SIRT5: variants seen among roughly 807,000 people sequenced by gnomAD.
SIRT5 encodes NAD-dependent protein deacylase sirtuin-5, mitochondrial.
In SIRT5, 26 loss-of-function variants were observed where a neutral mutation model predicts 40.0. The observed-to-expected ratio is 0.65, with a 90% confidence interval of 0.48 to 0.90. The LOEUF (loss-of-function observed/expected upper bound fraction) is 0.90, where lower values mean the gene tolerates loss of function less well. Among genes scored for constraint, SIRT5 ranks in the 40% least tolerant of loss-of-function variants. SIRT5 has a pLI of 0.00. For missense variants in SIRT5, 401 were observed against 402.4 expected, an observed-to-expected ratio of 1.00 and a Z score of 0.03; for synonymous variants, 146 against 149.1, an observed-to-expected ratio of 0.98 and a Z score of 0.15.
intron 7 of SIRT5, among the ~76,000 whole-genome samples, chr6:13,598,512 A>G (rs1274511636): frequency 6.6e-6 from 1 of 152,182 alleles, no homozygotes; most frequent in Non-Finnish European, 1.5e-5. Context: ...CAGCACATCA[A>G]GTACATACAG....
intron 2 of SIRT5, among the ~76,000 whole-genome samples, chr6:13,581,711 TCTGATAGGC>T (rs1414047046): frequency 6.6e-6 from 1 of 152,196 alleles, no homozygotes; most frequent in African/African-American, 2.4e-5. Flanking sequence ...CCTGGCACTA[TCTGATAGGC>T]CTTGGTGTTC....
intron 9 of SIRT5, chr6:13,604,983 T>G (rs544796972): frequency 2.0e-6 from 2 of 988,168 alleles, no homozygotes; most frequent in South Asian, 9.3e-5. Context: ...AGCAATGCTT[T>G]TTTCTTGGCA....
intron 1 of SIRT5, among the ~76,000 whole-genome samples, chr6:13,579,083 T>A (rs1759010910): frequency 6.6e-6 from 1 of 152,196 alleles, no homozygotes; most frequent in South Asian, 2.1e-4. Context: ...CTGACATTGC[T>A]TCTAAATTTG....
intron 5 of SIRT5, among the ~76,000 whole-genome samples, chr6:13,594,143 A>T (rs1345794940): frequency 6.6e-6 from 1 of 152,172 alleles, no homozygotes; most frequent in Non-Finnish European, 1.5e-5. Context: ...TGGCGGAAGG[A>T]TCCAGGGGCT....
intron 2 of SIRT5, 36 bp from the exon 3 acceptor site, chr6:13,584,040 G>T: frequency 3.1e-6 from 3 of 954,566 alleles, no homozygotes; most frequent in Non-Finnish European, 4.9e-6. Flanking sequence ...TTTGCTGATT[G>T]TTTCTACACT....
At position 13,585,597 on chromosome 6, in the gene SIRT5, A is replaced by G. The variant is rs1165502722; in HGVS notation, c.115+1372A>G. Among the ~76,000 whole-genome samples the G allele has an allele frequency of 6.6e-5, 10 of 152,204 alleles. No homozygotes were observed. In the South Asian group the frequency reaches 1.2e-3, roughly 19 times the overall value. ...TCATCCTTTTTTATGTCTGCATAGT[A>G]TTCCATGGTGTATATTTGCCACATT... On this transcript the variant is annotated intron_variant, in intron 3 of 9. Coordinates refer to ENST00000606117, the MANE Select transcript of SIRT5 (RefSeq NM_012241.5).
intron 7 of SIRT5, 138 bp from the exon 8 acceptor site, chr6:13,598,893 TG>T: frequency 3.6e-6 from 3 of 830,974 alleles, no homozygotes; most frequent in Non-Finnish European, 5.5e-6. Context: ...TTATATAGGC[TG>T]GGAGGGAGGG....
chr6:13,582,632 T>C (rs923185929), intron 2 of SIRT5, among the ~76,000 whole-genome samples: 13 of 119,102 alleles, frequency 1.1e-4, no homozygotes, highest in Non-Finnish European at 1.8e-4. Flanking sequence ...AAAAAAAAAA[T>C]TCCCGCATGC....
intron 1 of SIRT5, among the ~76,000 whole-genome samples, chr6:13,578,225 C>T (rs532988491): frequency 6.4e-4 from 98 of 152,216 alleles, no homozygotes; most frequent in Admixed American, 2.0e-3. Flanking sequence ...AGAATTTTTG[C>T]ATCTATGTTC....
intron 9 of SIRT5, chr6:13,604,538 A>G (rs1164621454): frequency 6.3e-7 from 1 of 1,581,364 alleles, no homozygotes; most frequent in East Asian, 2.2e-5. Context: ...TCATTGTAGA[A>G]AAGCAAGAAA....
rs774200473 is a variant in SIRT5, at chr6:13,584,022, TA to T, written c.-35-49del. On this transcript the variant is annotated intron_variant, in intron 2 of 9. Transcript: ENST00000606117. ...AAATATTTATACATATTTCCATATA[TA>T]AAAATATTTGCTGATTGTTTCTACA... The T allele has an allele frequency of 1.8e-4, 136 of 761,780 alleles. 1 individual carries two copies. Among genetic ancestry groups the T allele is most frequent in the Non-Finnish European group, 2.7e-4 (125 of 457,118 alleles). The allele number at this position is 761,780 out of a possible 1,614,324, so 47.2% of individuals were successfully genotyped here. A position where few individuals can be genotyped will look rare whatever the true frequency, so the allele number is the denominator to read the frequency against.
Position 13,591,836 on chromosome 6 carries a change from C to G in SIRT5, c.417C>G (p.Thr139=). ...GKQGRRVVVI[T]QNIDELHRKA... The stretch of plus-strand genomic sequence containing the variant: ...AGGGCCGGCGAGTCGTGGTCATCAC[C>G]CAGAACATCGATGAGCTGCACCGCA... Residue 139 remains threonine, a synonymous_variant, in exon 5 of 10, where the codon ACC becomes ACG. Coordinates refer to ENST00000606117, the MANE Select transcript of SIRT5 (RefSeq NM_012241.5). The G allele has an allele frequency of 6.2e-7, 1 of 1,614,144 alleles. No homozygotes were observed. Among genetic ancestry groups the G allele is most frequent in the Non-Finnish European group, 8.5e-7 (1 of 1,179,986 alleles).
intron 5 of SIRT5, 145 bp from the exon 6 acceptor site, chr6:13,595,332 C>T: frequency 1.6e-6 from 1 of 637,880 alleles, no homozygotes; most frequent in Middle Eastern, 3.2e-4. Context: ...TATGATCGTA[C>T]TGCTACACTC....
intron 9 of SIRT5, chr6:13,604,770 C>T: frequency 8.4e-7 from 1 of 1,191,704 alleles, no homozygotes; most frequent in Non-Finnish European, 1.0e-6. Context: ...CAAGTCAAGC[C>T]TCCTAAAACC....
At chr6:13,599,257 C>A in intron 8 of SIRT5, 102 bp downstream of exon 8, 2 of 1,242,258 alleles carry the variant, frequency 1.6e-6, no homozygotes, top group Non-Finnish European at 1.1e-6. Flanking sequence ...TTCTTTCCTT[C>A]CCGCCTTCTC....
intron 9 of SIRT5, chr6:13,604,450 G>A (rs200933702): frequency 2.2e-6 from 3 of 1,372,902 alleles, no homozygotes; most frequent in Admixed American, 1.7e-5. Flanking sequence ...CCCCAGTTTG[G>A]TTCTTCTAAT....
At chr6:13,583,667 CCTCAAACTTG>C (rs1759672782) in intron 2 of SIRT5, among the ~76,000 whole-genome samples, 1 of 152,178 alleles carries the variant, frequency 6.6e-6, no homozygotes, top group South Asian at 2.1e-4. Context: ...TTTTAGTGGT[CCTCAAACTTG>C]AGTAGTTACT....
intron 9 of SIRT5, 116 bp from the exon 10 acceptor site, chr6:13,611,674 A>T (rs1026216212): frequency 4.5e-5 from 34 of 753,360 alleles, no homozygotes; most frequent in Non-Finnish European, 8.2e-5. Flanking sequence ...TACCATCTTT[A>T]TGAGAATTTG....
At chr6:13,610,153 T>G (rs974688388) in intron 9 of SIRT5, among the ~76,000 whole-genome samples, 24 of 152,228 alleles carry the variant, frequency 1.6e-4, no homozygotes, top group African/African-American at 5.5e-4. Context: ...TACCTTTTTG[T>G]AGAGACGGGG....
Sources: gnomAD v4.1 joint callset for allele counts (sites outside exome capture counted in the v4.1 genomes callset) on GRCh38, gnomAD v4.1.1 for gene constraint, MANE v1.5 for transcripts, NCBI Gene and HGNC (gene_info 2026-07-23, HGNC 2026-07-21) for gene names.